SEMA3A: variants seen among roughly 807,000 people sequenced by gnomAD.
SEMA3A encodes the protein semaphorin 3A.
In SEMA3A, 29 loss-of-function variants were observed where a neutral mutation model predicts 97.9. The observed-to-expected ratio is 0.30, with a 90% CI of 0.22 to 0.40. SEMA3A has a LOEUF of 0.40. SEMA3A is among the 10% of genes least tolerant of loss of function. The probability of loss-of-function intolerance (pLI) is 1.00; values close to 1 mark genes in which losing one functional copy is unlikely to be tolerated. For missense variants in SEMA3A, 763 were observed against 951.3 expected, an observed-to-expected ratio of 0.80 and a Z score of 2.60; for synonymous variants, 321 against 323.7, an observed-to-expected ratio of 0.99 and a Z score of 0.09.
intron 15 of SEMA3A, among the ~76,000 whole-genome samples, chr7:83,971,327 G>A (rs1425364472): frequency 2.0e-5 from 3 of 151,970 alleles, no homozygotes; most frequent in Non-Finnish European, 4.4e-5. Flanking sequence ...AGCTACTTGG[G>A]AGGCTGAGGC....
rs185081694 is a variant in SEMA3A at position 84,418,709 on chromosome 7, C to T, written c.-245-46809G>A. Among the ~76,000 whole-genome samples the T allele has an allele frequency of 2.8e-4, 43 of 151,974 alleles. No homozygotes were observed. The East Asian group carries it at 7.0e-3, about 25-fold the overall frequency. On this transcript the variant is annotated intron_variant, in intron 1 of 3. Coordinates refer to the SEMA3A transcript ENST00000424555. ...CTCTGGCACTTGTACCAGTAGCCTC[C>T]GGGGGGCTCTTGAGCCTCTAGCCTC...
intron 1 of SEMA3A, among the ~76,000 whole-genome samples, chr7:84,489,859 TAGAA>T (rs1187335501): frequency 2.6e-5 from 4 of 152,068 alleles, no homozygotes; most frequent in African/African-American, 9.7e-5. Flanking sequence ...GAAAATTTAT[TAGAA>T]AGAGAATATC....
At chr7:84,080,094 A>G (rs1466176488) in intron 4 of SEMA3A, among the ~76,000 whole-genome samples, 5 of 143,056 alleles carry the variant, frequency 3.5e-5, no homozygotes, top group African/African-American at 5.4e-5. Flanking sequence ...TCAGTAAACT[A>G]TCGCAAGGAC....
chr7:84,002,857 TG>T (rs1238407762), intron 11 of SEMA3A, among the ~76,000 whole-genome samples: 1 of 152,176 alleles, frequency 6.6e-6, no homozygotes, highest in Admixed American at 6.5e-5. Context: ...AGAGACAACT[TG>T]TTTTAATGAC....
At position 84,005,366 on chromosome 7, in the gene SEMA3A, G is replaced by C; in HGVS notation, c.1333C>G (p.Gln445Glu). The C allele has an allele frequency of 6.2e-7, 1 of 1,613,288 alleles. No homozygotes were observed. Among genetic ancestry groups the C allele is most frequent in the Non-Finnish European group, 8.5e-7 (1 of 1,179,398 alleles). Residue 445 changes from glutamine (Q) to glutamate (E), a missense_variant, in exon 11 of 17, where the codon CAG (glutamine) becomes GAG (glutamate). By Grantham distance (29) the Gln-to-Glu change is conservative. Around this residue, in one of 2 missense-constraint regions of SEMA3A, gnomAD observed 678 missense variants for 881.3 expected, o/e 0.77. Transcript: ENST00000265362. ...GTTCCGATAAACATAACATCATACT[G>C]TCCATCTTCTGCATCCACTCGGTCT... ...VVDRVDAEDG[Q>E]YDVMFIGTDV...
chr7:84,046,214 T>C (rs940725122), intron 6 of SEMA3A, 110 bp downstream of exon 6: 3 of 1,296,058 alleles, frequency 2.3e-6, no homozygotes, highest in Non-Finnish European at 3.2e-6. Flanking sequence ...ACCATTAGCT[T>C]AACTGCACAA....
In SEMA3A at chr7:84,020,047, T is replaced by C. The variant is rs1262902704; in HGVS notation, c.668-5696A>G. Reference sequence around the variant, plus strand: ...GATTTTTTTCTTTCTTTTTTTTTTTTTTTTTTTTTTTTTTTTGAGACGGAG... The same window carrying C: ...GATTTTTTTCTTTCTTTTTTTTTTTCTTTTTTTTTTTTTTTTGAGACGGAG... On this transcript the variant is annotated intron_variant, in intron 6 of 16. Transcript: ENST00000265362. Among the ~76,000 whole-genome samples the C allele has an allele frequency of 5.8e-5, 7 of 121,396 alleles. No individual in the cohort carries two copies. The East Asian group carries it at 6.8e-4, about 12-fold the overall frequency. 79.6% of individuals were successfully genotyped at this position (121,396 alleles called of 152,430 possible).
intron 1 of SEMA3A, among the ~76,000 whole-genome samples, chr7:84,377,097 T>C (rs1332780523): frequency 6.6e-6 from 1 of 152,216 alleles, no homozygotes; most frequent in Non-Finnish European, 1.5e-5. Context: ...TCTGTGCAGA[T>C]CAATAATCTG....
At chr7:84,158,041 C>G (rs989576486) in intron 1 of SEMA3A, among the ~76,000 whole-genome samples, 1 of 151,376 alleles carries the variant, frequency 6.6e-6, no homozygotes, top group Admixed American at 6.6e-5. Context: ...TCTTTTCTGT[C>G]GTAGGTCTTT....
chr7:84,146,923 T>G (rs965117551), intron 1 of SEMA3A, among the ~76,000 whole-genome samples: 4 of 152,240 alleles, frequency 2.6e-5, no homozygotes, highest in African/African-American at 9.6e-5. Context: ...CGGTAAGCAT[T>G]GTATTATCAT....
chr7:84,127,245 G>A (rs1795827315), intron 3 of SEMA3A, among the ~76,000 whole-genome samples: 1 of 151,790 alleles, frequency 6.6e-6, no homozygotes, highest in Admixed American at 6.6e-5. Flanking sequence ...TCCCACCATT[G>A]ATATGTGTGA....
chr7:84,130,568 A>G (rs960274887), intron 2 of SEMA3A, among the ~76,000 whole-genome samples: 2 of 152,146 alleles, frequency 1.3e-5, no homozygotes, highest in Non-Finnish European at 2.9e-5. Flanking sequence ...TTTACAAAGT[A>G]GTCACATAAA....
chr7:84,001,915 C>A (rs754244160), intron 12 of SEMA3A, 40 bp downstream of exon 12: 1 of 1,394,950 alleles, frequency 7.2e-7, no homozygotes, highest in Non-Finnish European at 1.0e-6. Context: ...GAAAGACGTA[C>A]AACTGAACTT....
intron 4 of SEMA3A, among the ~76,000 whole-genome samples, chr7:84,091,167 G>GGAAGGAAGGAAAGAAA (rs1554324917): frequency 1.9e-4 from 8 of 42,894 alleles, no homozygotes; most frequent in African/African-American, 4.6e-4. Context: ...AAGGAAGGAA[G>GGAAGGAAGGAAAGAAA]GAAAGAAAGA....
intron 11 of SEMA3A, among the ~76,000 whole-genome samples, chr7:84,004,179 T>A (rs1790569407): frequency 6.6e-6 from 1 of 152,110 alleles, no homozygotes; most frequent in Non-Finnish European, 1.5e-5. Context: ...ACTAGAAATT[T>A]ATTACCTTGG....
At chr7:84,491,842 C>G (rs1806742267) in intron 1 of SEMA3A, among the ~76,000 whole-genome samples, 1 of 152,122 alleles carries the variant, frequency 6.6e-6, no homozygotes, top group Non-Finnish European at 1.5e-5. Flanking sequence ...AATATATCTT[C>G]TTATGTTATT....
At chr7:84,450,095 T>A (rs748034080) in intron 1 of SEMA3A, among the ~76,000 whole-genome samples, 43 of 152,138 alleles carry the variant, frequency 2.8e-4, no homozygotes, top group Non-Finnish European at 4.1e-4. Flanking sequence ...TGGATAAATA[T>A]CCAAAAGTTG....
At chr7:84,181,319 A>AAT (rs56661080) in intron 1 of SEMA3A, among the ~76,000 whole-genome samples, 51,254 of 144,518 alleles carry the variant, frequency 0.35, 9,319 homozygotes, top group East Asian at 0.47. Context: ...TAATGTTACA[A>AAT]ATATATATAT....
intron 3 of SEMA3A, among the ~76,000 whole-genome samples, chr7:84,265,551 A>T (rs1341599413): frequency 6.8e-6 from 1 of 147,776 alleles, no homozygotes. Context: ...TTATATGTTT[A>T]TATGTATTAT....
Sources: allele counts gnomAD v4.1 joint callset (sites outside exome capture counted in the v4.1 genomes callset), GRCh38; gene constraint gnomAD v4.1.1; regional missense constraint gnomAD v4.1.1; transcripts MANE v1.5; gene names NCBI Gene and HGNC (gene_info 2026-07-23, HGNC 2026-07-21).